Variants in NRXN1 observed in about 807,000 individuals in gnomAD.
The protein encoded by NRXN1 is neurexin-1.
A neutral mutation model predicts 150.9 loss-of-function variants in NRXN1; 39 were observed. The ratio of observed to expected loss-of-function variants is 0.26; its 90% CI spans 0.20 to 0.34. The LOEUF is 0.34. Among genes scored for constraint, NRXN1 ranks in the 10% least tolerant of loss-of-function variants. The pLI is 1.00. For synonymous variants in NRXN1, 924 were observed against 757.0 expected (o/e 1.22, Z -3.62); for missense variants, 1,815 against 1,949.9 (o/e 0.93, Z 1.30).
intron 17 of NRXN1, among the ~76,000 whole-genome samples, chr2:50,401,502 A>C (rs1418147557): frequency 6.6e-6 from 1 of 152,004 alleles, no homozygotes; most frequent in Non-Finnish European, 1.5e-5. Flanking sequence ...TAAAACTAAA[A>C]TTTCTAAGAT....
chr2:50,424,343 G>A (rs1361352929), intron 17 of NRXN1, among the ~76,000 whole-genome samples: 4 of 149,894 alleles, frequency 2.7e-5, no homozygotes, highest in Non-Finnish European at 4.5e-5. Context: ...GGAGGAGGAG[G>A]AGGAAATAAA....
intron 18 of NRXN1, among the ~76,000 whole-genome samples, chr2:50,154,417 G>A (rs757073886): frequency 1.3e-5 from 2 of 151,576 alleles, no homozygotes; most frequent in South Asian, 2.1e-4. Context: ...CATGGGAATT[G>A]TAAATAATCA....
At chr2:50,120,471 T>G (rs948371329) in intron 18 of NRXN1, among the ~76,000 whole-genome samples, 12 of 152,162 alleles carry the variant, frequency 7.9e-5, no homozygotes, top group African/African-American at 2.9e-4. Context: ...GATAAACACA[T>G]TAATGTAACT....
intron 21 of NRXN1, among the ~76,000 whole-genome samples, chr2:49,980,751 G>T (rs143124453): frequency 6.6e-6 from 1 of 152,198 alleles, no homozygotes; most frequent in Non-Finnish European, 1.5e-5. Flanking sequence ...AACCATGAAT[G>T]TGCAGATATA....
chr2:50,616,913 G>T (rs949686044), intron 8 of NRXN1, among the ~76,000 whole-genome samples: 1 of 152,168 alleles, frequency 6.6e-6, no homozygotes, highest in African/African-American at 2.4e-5. Flanking sequence ...CCAAGCTAGA[G>T]TTCAGGAAAA....
chr2:50,827,709 A>T (rs1367843068), intron 5 of NRXN1, among the ~76,000 whole-genome samples: 1 of 152,032 alleles, frequency 6.6e-6, no homozygotes, highest in Non-Finnish European at 1.5e-5. Context: ...CAGATAAACA[A>T]GTGAACAAAG....
chr2:50,975,171 G>A (rs1294056314), intron 2 of NRXN1, among the ~76,000 whole-genome samples: 1 of 152,086 alleles, frequency 6.6e-6, no homozygotes, highest in Non-Finnish European at 1.5e-5. Flanking sequence ...ATCACTCTGA[G>A]AGATAATGGA....
At chr2:50,830,032 C>CAAAAAAAAAAA (rs1671195905) in intron 5 of NRXN1, among the ~76,000 whole-genome samples, 1 of 60,670 alleles carries the variant, frequency 1.6e-5, no homozygotes, top group African/African-American at 8.6e-5. Flanking sequence ...AAAAAAAAAG[C>CAAAAAAAAAAA]TCATTTCTTC....
At chr2:49,955,827 T>A (rs777532203) in intron 21 of NRXN1, among the ~76,000 whole-genome samples, 2 of 152,172 alleles carry the variant, frequency 1.3e-5, no homozygotes, top group Non-Finnish European at 2.9e-5. Flanking sequence ...AGAAATAGTG[T>A]AAGACAGAAT....
intron 1 of NRXN1, among the ~76,000 whole-genome samples, chr2:51,031,195 C>T (rs932676486): frequency 5.9e-5 from 9 of 151,894 alleles, no homozygotes; most frequent in African/African-American, 2.2e-4. Flanking sequence ...AAGACCTGGC[C>T]AGTTCACAAA....
chr2:50,091,515 A>G, intron 18 of NRXN1, 21 bp from the exon 19 acceptor site: 1 of 1,613,300 alleles, frequency 6.2e-7, no homozygotes, highest in Non-Finnish European at 8.5e-7. Context: ...GGAGGGGAAA[A>G]AAGAGTTGAA....
chr2:50,363,429 A>C (rs1375530526), intron 17 of NRXN1, among the ~76,000 whole-genome samples: 1 of 152,218 alleles, frequency 6.6e-6, no homozygotes, highest in Non-Finnish European at 1.5e-5. Flanking sequence ...AAGGCGGGCA[A>C]AGGATATGAA....
chr2:50,005,218 T>C (rs1280343227), intron 21 of NRXN1, among the ~76,000 whole-genome samples: 1 of 152,016 alleles, frequency 6.6e-6, no homozygotes, highest in Non-Finnish European at 1.5e-5. Context: ...AACTACACAC[T>C]AGGAAGAGAG....
intron 5 of NRXN1, among the ~76,000 whole-genome samples, chr2:50,781,091 A>G (rs1037102264): frequency 1.3e-5 from 2 of 152,186 alleles, no homozygotes; most frequent in African/African-American, 4.8e-5. Flanking sequence ...CAGCAGCCAG[A>G]GTATCAGCAA....
rs557623952 is a variant in NRXN1, at chr2:50,935,117, G to A, written c.773-9162C>T. 1.2e-4 allele frequency among the ~76,000 whole-genome samples: 19 copies of A among 152,228 alleles called. No individual in the cohort carries two copies. The South Asian group carries it at 3.9e-3, about 32-fold the overall frequency. On this transcript the variant is annotated intron_variant, in intron 2 of 22. Coordinates refer to ENST00000401669, the MANE Select transcript of NRXN1 (RefSeq NM_001330078.2). ...AAGAGTTTAATAAGCTTTTAACAGA[G>A]TAGTTTTAAAATTAATTTAAAAAGC...
chr2:50,366,681 T>G (rs1395605636), intron 17 of NRXN1, among the ~76,000 whole-genome samples: 1 of 151,898 alleles, frequency 6.6e-6, no homozygotes, highest in Non-Finnish European at 1.5e-5. Flanking sequence ...GTAGACTGTC[T>G]CCCCCACCCC....
chr2:50,832,420 G>A (rs1671531871), intron 5 of NRXN1, among the ~76,000 whole-genome samples: 1 of 152,114 alleles, frequency 6.6e-6, no homozygotes. Flanking sequence ...GGGAGTCCAC[G>A]GTGGGCCGAT....
chr2:50,401,958 C>T (rs1345267676), intron 17 of NRXN1, among the ~76,000 whole-genome samples: 1 of 151,996 alleles, frequency 6.6e-6, no homozygotes, highest in Non-Finnish European at 1.5e-5. Flanking sequence ...CCCCTATTGA[C>T]CTGGGAAGGG....
intron 21 of NRXN1, among the ~76,000 whole-genome samples, chr2:50,026,360 G>C (rs546864766): frequency 2.0e-5 from 3 of 152,310 alleles, no homozygotes; most frequent in Non-Finnish European, 4.4e-5. Context: ...ATGGTCTGGA[G>C]AGTGTAGTTT....
Sources: allele counts gnomAD v4.1 joint callset (sites outside exome capture counted in the v4.1 genomes callset), GRCh38; gene constraint gnomAD v4.1.1; transcripts MANE v1.5; gene names NCBI Gene and HGNC (gene_info 2026-07-23, HGNC 2026-07-21).